The following PXDNL variants were observed in gnomAD, a reference collection of about 807,000 sequenced individuals.
PXDNL encodes the protein probable oxidoreductase PXDNL.
A neutral mutation model predicts 150.8 loss-of-function variants in PXDNL; 145 were observed. The observed-to-expected ratio is 0.96, with a 90% confidence interval of 0.84 to 1.10. The LOEUF is 1.10. PXDNL is among the 50% of genes least tolerant of loss of function. The pLI is 0.00. For synonymous variants in PXDNL, 757 were observed against 725.7 expected (o/e 1.04, Z -0.69); for missense variants, 2,087 against 1,873.9 (o/e 1.11, Z -2.10).
chr8:51,339,396 G>C (rs1805923794), intron 21 of PXDNL, among the ~76,000 whole-genome samples: 1 of 152,158 alleles, frequency 6.6e-6, no homozygotes, highest in Admixed American at 6.5e-5. Context: ...AGAGGTGGAG[G>C]CTCCAGTGAG....
intron 2 of PXDNL, among the ~76,000 whole-genome samples, chr8:51,651,598 C>T (rs756268917): frequency 3.9e-5 from 6 of 152,146 alleles, no homozygotes; most frequent in Non-Finnish European, 8.8e-5. Context: ...AGTATCAGCC[C>T]TAGAATCAGA....
At chr8:51,592,835 T>C (rs1563476151) in intron 2 of PXDNL, 137 bp from the exon 3 acceptor site, 1 of 528,620 alleles carries the variant, frequency 1.9e-6, no homozygotes, top group Non-Finnish European at 3.2e-6. Flanking sequence ...TGGAAATTTA[T>C]ACTTTAATTC....
chr8:51,657,414 A>G (rs1463739683), intron 1 of PXDNL, among the ~76,000 whole-genome samples: 2 of 152,154 alleles, frequency 1.3e-5, no homozygotes, highest in Admixed American at 6.5e-5. Flanking sequence ...CATATTTTCT[A>G]TGTTGTTCCT....
intron 1 of PXDNL, among the ~76,000 whole-genome samples, chr8:51,736,429 GACTA>G (rs1218506296): frequency 2.0e-5 from 3 of 152,288 alleles, no homozygotes; most frequent in Middle Eastern, 3.4e-3. Flanking sequence ...GCAGGCTCCA[GACTA>G]ACTGACTCCA....
chr8:51,670,472 G>A (rs1585662841), intron 1 of PXDNL, among the ~76,000 whole-genome samples: 1 of 152,176 alleles, frequency 6.6e-6, no homozygotes, highest in East Asian at 1.9e-4. Flanking sequence ...GGCTACACAC[G>A]TGTACAGCAT....
chr8:51,431,246 C>A (rs183217783), intron 12 of PXDNL, among the ~76,000 whole-genome samples: 1 of 152,176 alleles, frequency 6.6e-6, no homozygotes, highest in Non-Finnish European at 1.5e-5. Context: ...TCAGCCTCTC[C>A]TTCCTTTAGA....
chr8:51,379,663 T>G (rs1174576407), intron 17 of PXDNL, among the ~76,000 whole-genome samples: 1 of 152,182 alleles, frequency 6.6e-6, no homozygotes, highest in Non-Finnish European at 1.5e-5. Flanking sequence ...TTTCTTAATC[T>G]TAAGGTCATT....
In PXDNL at chr8:51,743,794, G is replaced by C. The variant is rs2036932399; in HGVS notation, c.164+65387C>G. 2.0e-5 allele frequency among the ~76,000 whole-genome samples: 3 copies of C among 152,024 alleles called. No homozygotes were observed. In the South Asian group the frequency reaches 6.2e-4, roughly 32 times the overall value. Reference sequence around the variant, plus strand: ...GCCTCCCAAAATGCTGGAATTACAGGTGTGAGCCACAGTGCCCGGCCCCTA... The same window carrying C: ...GCCTCCCAAAATGCTGGAATTACAGCTGTGAGCCACAGTGCCCGGCCCCTA... On this transcript the variant is annotated intron_variant, in intron 1 of 22. Transcript: ENST00000356297.
chr8:51,808,190 G>C (rs1285890792), intron 1 of PXDNL, among the ~76,000 whole-genome samples: 2 of 152,112 alleles, frequency 1.3e-5, no homozygotes, highest in Non-Finnish European at 2.9e-5. Flanking sequence ...CAAAATTCCA[G>C]GAATTTTAAG....
intron 1 of PXDNL, among the ~76,000 whole-genome samples, chr8:51,712,484 T>C (rs1585693753): frequency 6.6e-6 from 1 of 152,214 alleles, no homozygotes; most frequent in Non-Finnish European, 1.5e-5. Flanking sequence ...GTAAGCCCAA[T>C]GAGGGCAGTA....
chr8:51,547,218 C>T (rs1812379959), intron 4 of PXDNL, among the ~76,000 whole-genome samples: 2 of 152,182 alleles, frequency 1.3e-5, no homozygotes, highest in African/African-American at 2.4e-5. Flanking sequence ...GTACCACCTC[C>T]TGGCTGGAGG....
rs1811804765 is a variant in PXDNL, at chr8:51,528,036, G to A, written c.381-28266C>T. ...TTGTGTGTAAGATAATTTGGAAAAA[G>A]AAGAAACCAAAGGTATCAGAATTAA... On this transcript the variant is annotated intron_variant, in intron 4 of 22. Coordinates refer to ENST00000356297, the MANE Select transcript of PXDNL (RefSeq NM_144651.5). Among the ~76,000 whole-genome samples the A allele has an allele frequency of 1.3e-5, 2 of 152,080 alleles. 1 individual carries two copies. Among genetic ancestry groups the A allele is most frequent in the Admixed American group, 1.3e-4 (2 of 15,268 alleles).
intron 1 of PXDNL, among the ~76,000 whole-genome samples, chr8:51,744,084 AG>A (rs1554511653): frequency 9.1e-6 from 1 of 109,340 alleles, no homozygotes; most frequent in African/African-American, 3.8e-5. Flanking sequence ...GAAGGAAGGA[AG>A]GAAGGAAGGA....
chr8:51,745,027 AAATC>A (rs1393944379), intron 1 of PXDNL, among the ~76,000 whole-genome samples: 19 of 150,490 alleles, frequency 1.3e-4, no homozygotes, highest in African/African-American at 4.6e-4. Context: ...AGAAAGAAAG[AAATC>A]AATTTTAAAA....
chr8:51,391,811 C>T (rs1284418199), intron 17 of PXDNL, among the ~76,000 whole-genome samples: 1 of 152,058 alleles, frequency 6.6e-6, no homozygotes, highest in African/African-American at 2.4e-5. Flanking sequence ...GAAGTCCTTG[C>T]CCATGCCTAT....
chr8:51,370,887 G>C (rs186177215), intron 19 of PXDNL, among the ~76,000 whole-genome samples: 2 of 152,166 alleles, frequency 1.3e-5, no homozygotes, highest in African/African-American at 4.8e-5. Flanking sequence ...GTGAGCCTCC[G>C]CACCCGGCCA....
intron 2 of PXDNL, among the ~76,000 whole-genome samples, chr8:51,640,675 C>A (rs1046301547): frequency 6.6e-6 from 1 of 152,124 alleles, no homozygotes; most frequent in African/African-American, 2.4e-5. Flanking sequence ...TCAAGGAGAA[C>A]TACAAAACAC....
chr8:51,578,070 AG>A (rs1813124968), intron 3 of PXDNL, among the ~76,000 whole-genome samples: 1 of 147,534 alleles, frequency 6.8e-6, no homozygotes, highest in African/African-American at 2.6e-5. Flanking sequence ...AAGGAAAGAA[AG>A]AAAAGAAAGA....
intron 3 of PXDNL, among the ~76,000 whole-genome samples, chr8:51,577,293 T>A (rs1210125588): frequency 6.6e-6 from 1 of 151,630 alleles, no homozygotes; most frequent in African/African-American, 2.4e-5. Context: ...AGAATTATAC[T>A]CCATAATATA....
Sources: gnomAD v4.1 joint callset for allele counts (sites outside exome capture counted in the v4.1 genomes callset) on GRCh38, gnomAD v4.1.1 for gene constraint, MANE v1.5 for transcripts, NCBI Gene and HGNC (gene_info 2026-07-23, HGNC 2026-07-21) for gene names.